Variants in PDSS2 observed in about 807,000 individuals in gnomAD.
PDSS2 encodes decaprenyl diphosphate synthase subunit 2.
PDSS2 carries 31 observed loss-of-function variants against 44.5 expected under a neutral mutation model. The ratio of observed to expected loss-of-function variants is 0.70; its 90% CI spans 0.52 to 0.94. PDSS2 has a LOEUF of 0.94. PDSS2 is among the 40% of genes least tolerant of loss of function. The pLI is 0.00. For synonymous variants in PDSS2, 157 were observed against 180.3 expected, an observed-to-expected ratio of 0.87 and a Z score of 1.03; for missense variants, 452 against 482.2, an observed-to-expected ratio of 0.94 and a Z score of 0.59.
At chr6:107,208,454 A>T (rs1433843815) in intron 6 of PDSS2, among the ~76,000 whole-genome samples, 1 of 150,124 alleles carries the variant, frequency 6.7e-6, no homozygotes, top group African/African-American at 2.5e-5. Flanking sequence ...GCACCACCAC[A>T]CCCAGCTACT....
At chr6:107,330,577 T>C (rs1777682152) in intron 2 of PDSS2, among the ~76,000 whole-genome samples, 1 of 152,168 alleles carries the variant, frequency 6.6e-6, no homozygotes, top group African/African-American at 2.4e-5. Context: ...AATCATATCA[T>C]GAGAAAAATC....
chr6:107,428,888 A>G (rs1202554374), intron 1 of PDSS2, among the ~76,000 whole-genome samples: 1 of 152,162 alleles, frequency 6.6e-6, no homozygotes, highest in Non-Finnish European at 1.5e-5. Flanking sequence ...CAAAAAGTTC[A>G]CAGTCATGGG....
In PDSS2 at chr6:107,154,650, T is replaced by C. The variant is rs782099223; in HGVS notation, c.1169A>G (p.Asn390Ser). The C allele has an allele frequency of 2.9e-5, 47 of 1,614,068 alleles. No individual in the cohort carries two copies. Among genetic ancestry groups the C allele is most frequent in the Non-Finnish European group, 3.9e-5 (46 of 1,180,030 alleles). ...AAATCTGGTCACAGCAAACACAATGTTTTCTAAAGCAGATCTGGCCTCCGA... is the reference window on the plus strand; with the variant it reads ...AAATCTGGTCACAGCAAACACAATGCTTTCTAAAGCAGATCTGGCCTCCGA... ...PPSEARSALENIVFAVTRFS is the reference protein window; with the variant it reads ...PPSEARSALESIVFAVTRFS Residue 390 changes from asparagine (N) to serine (S), a missense_variant, in exon 8 of 8, where the codon AAC (asparagine) becomes AGC (serine). By Grantham distance (46) the Asn-to-Ser change is conservative (BLOSUM62 1). Transcript: ENST00000369037.
intron 6 of PDSS2, among the ~76,000 whole-genome samples, chr6:107,194,875 A>G (rs755384926): frequency 4.0e-5 from 6 of 151,864 alleles, no homozygotes; most frequent in Non-Finnish European, 8.8e-5. Context: ...AATCGCTTGA[A>G]CCCAGGAGGC....
chr6:107,160,676 T>C (rs9373923), intron 7 of PDSS2, among the ~76,000 whole-genome samples: 19,793 of 150,704 alleles, frequency 0.13, 1,459 homozygotes, highest in South Asian at 0.26. Flanking sequence ...TGCTGATAAA[T>C]AGATATGGGC....
intron 1 of PDSS2, among the ~76,000 whole-genome samples, chr6:107,342,425 A>G (rs1244540505): frequency 6.6e-6 from 1 of 152,242 alleles, no homozygotes; most frequent in Non-Finnish European, 1.5e-5. Context: ...ACACACAAGA[A>G]AAGCCCCAAC....
chr6:107,269,722 C>T (rs1462926396), intron 3 of PDSS2, among the ~76,000 whole-genome samples: 2 of 152,068 alleles, frequency 1.3e-5, no homozygotes, highest in Non-Finnish European at 2.9e-5. Flanking sequence ...AGTACAGTGG[C>T]GTGATCTGGG....
chr6:107,420,597 C>T (rs192600468), intron 1 of PDSS2, among the ~76,000 whole-genome samples: 1 of 152,262 alleles, frequency 6.6e-6, no homozygotes, highest in Admixed American at 6.5e-5. Context: ...TTCAACAAAT[C>T]ATGCTGGAAC....
intron 1 of PDSS2, among the ~76,000 whole-genome samples, chr6:107,458,499 G>A (rs896417265): frequency 6.9e-6 from 1 of 144,824 alleles, no homozygotes; most frequent in Non-Finnish European, 1.5e-5. Flanking sequence ...ATCCCAAGAA[G>A]ATAATGACTA....
rs1477670355 is a variant in PDSS2, at chr6:107,153,735, T to A, written c.*884A>T. ...TTTCGGCAATTTCTCCAAAAAGACA[T>A]TATAAAAACCATAAAGCACAAAGTA... On this transcript the variant is annotated 3_prime_UTR_variant, in exon 8 of 8. Transcript: ENST00000369037. 1 of 152,606 alleles carries A rather than the reference T, an allele frequency of 6.6e-6. No homozygotes were observed. The highest frequency in any genetic ancestry group is 2.4e-5 in the African/African-American group (1 of 41,448). The allele number at this position is 152,606 out of a possible 1,614,324, so 9.5% of individuals were successfully genotyped here. A position where few individuals can be genotyped will look rare whatever the true frequency, so the allele number is the denominator to read the frequency against.
chr6:107,242,001 T>G (rs1774452219), intron 4 of PDSS2, among the ~76,000 whole-genome samples: 1 of 152,168 alleles, frequency 6.6e-6, no homozygotes, highest in Non-Finnish European at 1.5e-5. Flanking sequence ...TGCCAGAACA[T>G]GAAAACCTTG....
At chr6:107,304,399 C>T (rs1230041022) in intron 2 of PDSS2, among the ~76,000 whole-genome samples, 1 of 152,226 alleles carries the variant, frequency 6.6e-6, no homozygotes, top group East Asian at 1.9e-4. Flanking sequence ...ATACGTAACG[C>T]TTTTCTTTAG....
At chr6:107,428,315 T>C (rs575207656) in intron 1 of PDSS2, among the ~76,000 whole-genome samples, 2 of 152,364 alleles carry the variant, frequency 1.3e-5, no homozygotes, top group East Asian at 3.9e-4. Flanking sequence ...TTAAGTGTAT[T>C]CTTTTGTGCT....
intron 4 of PDSS2, among the ~76,000 whole-genome samples, chr6:107,238,712 A>G (rs1192279611): frequency 6.6e-6 from 1 of 152,210 alleles, no homozygotes; most frequent in East Asian, 1.9e-4. Context: ...TATTGTCTGT[A>G]AACAGTTTAG....
At chr6:107,379,058 G>A (rs1474756565) in intron 1 of PDSS2, among the ~76,000 whole-genome samples, 1 of 152,176 alleles carries the variant, frequency 6.6e-6, no homozygotes, top group Non-Finnish European at 1.5e-5. Context: ...CCATACTAAG[G>A]AGTCCCGGGG....
chr6:107,264,559 T>C, intron 3 of PDSS2: 1 of 1,141,380 alleles, frequency 8.8e-7, no homozygotes, highest in Non-Finnish European at 1.3e-6. Context: ...CTTTAAATAC[T>C]AGGCTTATCA....
chr6:107,265,693 G>A (rs904270957), intron 3 of PDSS2, among the ~76,000 whole-genome samples: 1 of 152,306 alleles, frequency 6.6e-6, no homozygotes, highest in Admixed American at 6.5e-5. Context: ...TGTAATCCTA[G>A]CACCTTGGGA....
chr6:107,345,121 A>G (rs2115304900), intron 1 of PDSS2, among the ~76,000 whole-genome samples: 1 of 151,850 alleles, frequency 6.6e-6, no homozygotes, highest in East Asian at 1.9e-4. Context: ...TCAAGCAATG[A>G]CACTGGCTAA....
At chr6:107,448,749 A>G (rs1287138372) in intron 1 of PDSS2, among the ~76,000 whole-genome samples, 1 of 152,170 alleles carries the variant, frequency 6.6e-6, no homozygotes, top group Non-Finnish European at 1.5e-5. Flanking sequence ...CTGTTCTCAC[A>G]TTGCTCTAAG....
Sources: allele counts gnomAD v4.1 joint callset (sites outside exome capture counted in the v4.1 genomes callset), GRCh38; gene constraint gnomAD v4.1.1; transcripts MANE v1.5; gene names NCBI Gene and HGNC (gene_info 2026-07-23, HGNC 2026-07-21).